Variants in PRKCE observed in about 807,000 individuals in gnomAD.
The protein encoded by PRKCE is protein kinase C epsilon.
Under a neutral mutation model 85.4 loss-of-function variants are expected in PRKCE, and 16 were observed. The ratio of observed to expected loss-of-function variants is 0.19; its 90% confidence interval spans 0.13 to 0.28. The LOEUF is 0.28. Ranked by LOEUF, PRKCE falls within the 10% of genes least tolerant of loss-of-function variation. The pLI, the probability that PRKCE is intolerant of heterozygous loss-of-function variation, is 1.00. For synonymous variants in PRKCE, 388 were observed against 371.5 expected (o/e 1.04, Z -0.51); for missense variants, 573 against 975.2 (o/e 0.59, Z 5.49).
chr2:46,072,181 T>C (rs1668139350), intron 10 of PRKCE, among the ~76,000 whole-genome samples: 1 of 152,246 alleles, frequency 6.6e-6, no homozygotes, highest in Admixed American at 6.5e-5. Context: ...AATGAAAGTA[T>C]TAGTGAAGTG....
intron 11 of PRKCE, among the ~76,000 whole-genome samples, chr2:46,094,780 CT>C (rs1670519328): frequency 6.7e-6 from 1 of 149,668 alleles, no homozygotes; most frequent in Non-Finnish European, 1.5e-5. Context: ...TGCATAAGAA[CT>C]CAGAACTTAA....
chr2:45,802,487 T>C (rs1687944791), intron 1 of PRKCE, among the ~76,000 whole-genome samples: 1 of 152,216 alleles, frequency 6.6e-6, no homozygotes, highest in Non-Finnish European at 1.5e-5. Context: ...GAATGTGTTT[T>C]GAAAACCTCA....
At chr2:46,154,463 C>T (rs1461187907) in intron 13 of PRKCE, among the ~76,000 whole-genome samples, 1 of 139,260 alleles carries the variant, frequency 7.2e-6, no homozygotes, top group Non-Finnish European at 1.6e-5. Flanking sequence ...CCCCACCCCC[C>T]CCAACCCCCC....
At chr2:45,974,019 C>T (rs1485362135) in intron 2 of PRKCE, among the ~76,000 whole-genome samples, 5 of 152,126 alleles carry the variant, frequency 3.3e-5, no homozygotes, top group South Asian at 2.1e-4. Flanking sequence ...TGCTCTTTTA[C>T]GAAAATAACC....
intron 1 of PRKCE, among the ~76,000 whole-genome samples, chr2:45,802,077 C>T (rs1342054711): frequency 6.8e-6 from 1 of 146,178 alleles, no homozygotes; most frequent in African/African-American, 2.6e-5. Flanking sequence ...TAACAAGACC[C>T]TATCTTAAAA....
intron 10 of PRKCE, among the ~76,000 whole-genome samples, chr2:46,070,381 T>C (rs2034361): frequency 0.053 from 8,113 of 152,292 alleles, 260 homozygotes; most frequent in South Asian, 0.077. Context: ...CGGTGGCGCA[T>C]GCCTGTAATC....
At chr2:45,993,116 C>T (rs1388626965) in intron 6 of PRKCE, among the ~76,000 whole-genome samples, 3 of 143,108 alleles carry the variant, frequency 2.1e-5, no homozygotes, top group African/African-American at 7.7e-5. Context: ...CAGGGGCTCA[C>T]GGCCTTTGGC....
chr2:46,142,978 G>T (rs932279131), intron 11 of PRKCE, among the ~76,000 whole-genome samples: 1 of 152,196 alleles, frequency 6.6e-6, no homozygotes, highest in African/African-American at 2.4e-5. Context: ...TTGGTGGCTG[G>T]CATTGGAGGA....
chr2:45,676,321 A>T (rs1676447254), intron 1 of PRKCE: 2 of 152,234 alleles, frequency 1.3e-5, no homozygotes, highest in African/African-American at 4.8e-5. Context: ...TAATGCAAGT[A>T]TTCTAGTGAT....
intron 1 of PRKCE, among the ~76,000 whole-genome samples, chr2:45,744,620 C>G (rs1018080041): frequency 6.9e-6 from 1 of 145,124 alleles, no homozygotes; most frequent in African/African-American, 2.5e-5. Context: ...TCCTTTCTTT[C>G]TTTTGGAGAC....
intron 1 of PRKCE, among the ~76,000 whole-genome samples, chr2:45,662,674 C>A (rs1209748785): frequency 7.0e-6 from 1 of 143,224 alleles, no homozygotes; most frequent in Non-Finnish European, 1.5e-5. Flanking sequence ...GTCTCCCCTG[C>A]AAAAGGGCCA....
chr2:46,019,853 T>C (rs1254888560), intron 10 of PRKCE, among the ~76,000 whole-genome samples: 1 of 145,268 alleles, frequency 6.9e-6, no homozygotes, highest in Non-Finnish European at 1.5e-5. Flanking sequence ...TTCTCTTTTT[T>C]TTTTTTTTTT....
At chr2:45,867,765 T>C (rs1472394625) in intron 2 of PRKCE, among the ~76,000 whole-genome samples, 1 of 152,174 alleles carries the variant, frequency 6.6e-6, no homozygotes, top group Non-Finnish European at 1.5e-5. Context: ...TAATGTGTTT[T>C]TAAGTTCAAA....
intron 2 of PRKCE, among the ~76,000 whole-genome samples, chr2:45,873,516 G>GTATGGCCCCAGCATGGTGCCT (rs2105766516): frequency 6.6e-6 from 1 of 152,172 alleles, no homozygotes; most frequent in African/African-American, 2.4e-5. Flanking sequence ...AGGTTGAGAG[G>GTATGGCCCCAGCATGGTGCCT]TATGGCCCCA....
chr2:46,092,352 A>G (rs574283119), intron 11 of PRKCE, among the ~76,000 whole-genome samples: 13 of 152,246 alleles, frequency 8.5e-5, no homozygotes, highest in Admixed American at 2.6e-4. Flanking sequence ...AAGCCTTTTG[A>G]TCTCTAATGA....
intron 14 of PRKCE, among the ~76,000 whole-genome samples, chr2:46,182,300 C>A (rs1328801908): frequency 6.6e-6 from 1 of 152,178 alleles, no homozygotes; most frequent in Non-Finnish European, 1.5e-5. Context: ...GGTGTCGCCA[C>A]ACCCTTTGCC....
chr2:46,040,916 G>A (rs1251555510), intron 10 of PRKCE, among the ~76,000 whole-genome samples: 1 of 152,148 alleles, frequency 6.6e-6, no homozygotes, highest in African/African-American at 2.4e-5. Flanking sequence ...ATGTAGTTCG[G>A]ACTTTACCCT....
intron 1 of PRKCE, among the ~76,000 whole-genome samples, chr2:45,732,340 G>C (rs1041958808): frequency 1.3e-5 from 2 of 152,058 alleles, no homozygotes; most frequent in Non-Finnish European, 2.9e-5. Flanking sequence ...AAAATATTTG[G>C]ATATGTTGAG....
intron 1 of PRKCE, among the ~76,000 whole-genome samples, chr2:45,688,598 A>G (rs991238304): frequency 1.3e-5 from 2 of 152,212 alleles, no homozygotes; most frequent in Non-Finnish European, 2.9e-5. Context: ...GGGCTTTGTT[A>G]ATGGTGAATG....
Sources: allele counts gnomAD v4.1 joint callset (sites outside exome capture counted in the v4.1 genomes callset), GRCh38; gene constraint gnomAD v4.1.1; transcripts MANE v1.5; gene names NCBI Gene and HGNC (gene_info 2026-07-23, HGNC 2026-07-21).